Variants in STK32B observed in about 807,000 individuals in gnomAD.
STK32B encodes the protein serine/threonine kinase 32B.
STK32B carries 43 observed loss-of-function variants against 52.6 expected under a neutral mutation model. The ratio of observed to expected loss-of-function variants is 0.82; its 90% CI spans 0.64 to 1.05. STK32B has a LOEUF of 1.05. Among genes scored for constraint, STK32B ranks in the 50% least tolerant of loss-of-function variants. STK32B has a pLI of 0.00. For missense variants in STK32B, 621 were observed against 534.6 expected (o/e 1.16, Z -1.59); for synonymous variants, 238 against 204.3 (o/e 1.17, Z -1.41).
At chr4:5,316,111 AATAT>A (rs141929839) in intron 3 of STK32B, among the ~76,000 whole-genome samples, 1 of 122,682 alleles carries the variant, frequency 8.2e-6, no homozygotes, top group Non-Finnish European at 1.6e-5. Context: ...TTTCTGTATA[AATAT>A]ATATATATAT....
At chr4:5,443,508 C>A (rs1368174541) in intron 6 of STK32B, among the ~76,000 whole-genome samples, 17 of 151,608 alleles carry the variant, frequency 1.1e-4, no homozygotes, top group Non-Finnish European at 1.6e-4. Context: ...CATTCTTCTA[C>A]ATTTTTTTCA....
At chr4:5,371,500 A>G (rs547171978) in intron 4 of STK32B, among the ~76,000 whole-genome samples, 132 of 152,296 alleles carry the variant, frequency 8.7e-4, no homozygotes, top group Non-Finnish European at 8.5e-4. Flanking sequence ...AGTTTGGTTA[A>G]GGAGAGAGTC....
rs117235085 is a variant in STK32B, at chr4:5,192,133, G to T, written c.260+23683G>T. 5.9e-5 allele frequency among the ~76,000 whole-genome samples: 9 copies of T among 152,352 alleles called. No homozygotes were observed. The East Asian group carries it at 1.7e-3, about 29-fold the overall frequency. On this transcript the variant is annotated intron_variant, in intron 3 of 11. Transcript: ENST00000282908. ...TCTATTGTGGAGAACACTTTGAGAT[G>T]CCAGCACCGAATGACAGGATCAGTT...
At chr4:5,083,673 TA>T (rs749174004) in intron 1 of STK32B, among the ~76,000 whole-genome samples, 1 of 152,182 alleles carries the variant, frequency 6.6e-6, no homozygotes, top group African/African-American at 2.4e-5. Flanking sequence ...CATCTGTGTT[TA>T]AATGACAAAA....
chr4:5,379,226 C>A (rs1426239703), intron 4 of STK32B, among the ~76,000 whole-genome samples: 1 of 152,120 alleles, frequency 6.6e-6, no homozygotes, highest in Admixed American at 6.5e-5. Flanking sequence ...GTGGCATCGG[C>A]CTTTGTGCTA....
chr4:5,434,407 G>A (rs923861028), intron 6 of STK32B, among the ~76,000 whole-genome samples: 1 of 151,258 alleles, frequency 6.6e-6, no homozygotes, highest in East Asian at 1.9e-4. Flanking sequence ...AAAACATAGA[G>A]AGTATATGCT....
intron 1 of STK32B, among the ~76,000 whole-genome samples, chr4:5,122,866 T>G (rs979785762): frequency 1.3e-5 from 2 of 152,104 alleles, no homozygotes; most frequent in Admixed American, 1.3e-4. Flanking sequence ...CAGCTCTCTG[T>G]GCACCCCTTC....
At chr4:5,377,509 A>G (rs1224121570) in intron 4 of STK32B, among the ~76,000 whole-genome samples, 3 of 152,256 alleles carry the variant, frequency 2.0e-5, no homozygotes, top group Admixed American at 6.5e-5. Flanking sequence ...TTATATCAGT[A>G]TCCTCAGTGG....
At chr4:5,481,024 A>G (rs1207626786) in intron 11 of STK32B, among the ~76,000 whole-genome samples, 1 of 152,160 alleles carries the variant, frequency 6.6e-6, no homozygotes, top group Non-Finnish European at 1.5e-5. Flanking sequence ...GCTATTGTGA[A>G]CAGTGCCACA....
chr4:5,049,456 C>A (rs143574133), upstream of STK32B, among the ~76,000 whole-genome samples: 1 of 152,058 alleles, frequency 6.6e-6, no homozygotes. Flanking sequence ...AAAAGAGAGT[C>A]AGCGAAGAGA....
chr4:5,491,387 T>C (rs1296506405), intron 11 of STK32B, among the ~76,000 whole-genome samples: 2 of 152,230 alleles, frequency 1.3e-5, no homozygotes, highest in East Asian at 3.8e-4. Flanking sequence ...TTTTGAGAAG[T>C]GTCTGTTCAT....
intron 3 of STK32B, among the ~76,000 whole-genome samples, chr4:5,224,714 A>G (rs1723755562): frequency 6.6e-6 from 1 of 151,956 alleles, no homozygotes. Flanking sequence ...AATGACATTA[A>G]TTGTATCAAT....
At chr4:5,032,476 CAAAAAAAA>C in the STK32B span, among the ~76,000 whole-genome samples, 78 of 49,714 alleles carry the variant, frequency 1.6e-3, no homozygotes, top group African/African-American at 6.0e-3. Context: ...GACTCCATCT[CAAAAAAAA>C]AAAAAAAAAA....
chr4:5,273,962 G>T (rs1417454682), intron 3 of STK32B, among the ~76,000 whole-genome samples: 1 of 151,024 alleles, frequency 6.6e-6, no homozygotes, highest in Admixed American at 6.6e-5. Flanking sequence ...TGCACAATGT[G>T]CACATGTACC....
chr4:5,074,484 A>T (rs923327448), intron 1 of STK32B, among the ~76,000 whole-genome samples: 1 of 151,474 alleles, frequency 6.6e-6, no homozygotes, highest in African/African-American at 2.4e-5. Flanking sequence ...CATCTTAGTC[A>T]TGTTGGGTCT....
chr4:5,069,847 A>G (rs1001517494), intron 1 of STK32B, among the ~76,000 whole-genome samples: 4 of 152,152 alleles, frequency 2.6e-5, no homozygotes, highest in African/African-American at 4.8e-5. Flanking sequence ...TGTGTGGGCT[A>G]TGTTACCTTG....
At chr4:5,138,179 T>A (rs1352689735) in intron 1 of STK32B, among the ~76,000 whole-genome samples, 1 of 152,104 alleles carries the variant, frequency 6.6e-6, no homozygotes, top group Non-Finnish European at 1.5e-5. Context: ...AGAACCAAGG[T>A]TTTAGTAAGT....
chr4:5,043,279 A>T, the STK32B span, among the ~76,000 whole-genome samples: 1 of 152,196 alleles, frequency 6.6e-6, no homozygotes, highest in Non-Finnish European at 1.5e-5. Context: ...AATCCTTTCC[A>T]ATAATACCTG....
chr4:5,293,342 C>G (rs1237013240), intron 3 of STK32B, among the ~76,000 whole-genome samples: 1 of 151,980 alleles, frequency 6.6e-6, no homozygotes, highest in Admixed American at 6.6e-5. Flanking sequence ...ATTTTTGGTT[C>G]TAGATCCTTC....
Sources: gnomAD v4.1 joint callset for allele counts (sites outside exome capture counted in the v4.1 genomes callset) on GRCh38, gnomAD v4.1.1 for gene constraint, MANE v1.5 for transcripts, NCBI Gene and HGNC (gene_info 2026-07-23, HGNC 2026-07-21) for gene names.